Variants in GSE1 observed in about 807,000 individuals in gnomAD.
GSE1 encodes Gse1 coiled-coil protein, also known as genetic suppressor element 1.
In GSE1, 32 loss-of-function variants were observed where a neutral mutation model predicts 112.6. The ratio of observed to expected loss-of-function variants is 0.28; its 90% CI spans 0.21 to 0.38. The LOEUF (loss-of-function observed/expected upper bound fraction) is 0.38. Ranked by LOEUF, GSE1 falls within the 10% of genes least tolerant of loss-of-function variation. The probability of loss-of-function intolerance (pLI) is 1.00; values close to 1 mark genes in which losing one functional copy is unlikely to be tolerated. For missense variants in GSE1, 2,348 were observed against 1,699.2 expected (o/e 1.38, Z -6.71); for synonymous variants, 1,115 against 735.6 (o/e 1.52, Z -8.35).
intron 2 of GSE1, among the ~76,000 whole-genome samples, chr16:85,500,893 G>C (rs1009284305): frequency 4.6e-5 from 7 of 151,650 alleles, no homozygotes; most frequent in African/African-American, 1.7e-4. Context: ...GCCTCTGTCA[G>C]CACGTGGCTG....
At chr16:85,251,089 T>C (rs73251971) in intron 1 of GSE1, among the ~76,000 whole-genome samples, 8,947 of 152,270 alleles carry the variant, frequency 0.059, 847 homozygotes, top group African/African-American at 0.21. Context: ...CTGCTCCCAC[T>C]CTGGGCTGTT....
At chr16:85,262,036 C>A (rs1267890012) in intron 1 of GSE1, among the ~76,000 whole-genome samples, 1 of 152,166 alleles carries the variant, frequency 6.6e-6, no homozygotes, top group Non-Finnish European at 1.5e-5. Context: ...TGCCCCAGGT[C>A]ACACAGGTTG....
rs2052093149 is a variant in GSE1, at chr16:85,519,574, C to CACCAACCATCATT, written c.2465-114336_2465-114335insACCATCATTACCA. Among the ~76,000 whole-genome samples the CACCAACCATCATT allele has an allele frequency of 3.7e-5, 5 of 136,250 alleles. 1 individual carries two copies. In the South Asian group the frequency reaches 1.2e-3, roughly 33 times the overall value. 89.4% of individuals were successfully genotyped at this position (136,250 alleles called of 152,430 possible). On this transcript the variant is annotated intron_variant, in intron 2 of 2. Transcript: ENST00000637419. ...CCACCATCACTATCATCATCACCAT[C>CACCAACCATCATT]ACCAGTCTCCATCATCATCACCTTC...
chr16:85,215,107 G>A (rs1392781099), intron 1 of GSE1, among the ~76,000 whole-genome samples: 1 of 152,178 alleles, frequency 6.6e-6, no homozygotes, highest in Non-Finnish European at 1.5e-5. Context: ...ACAGACATGG[G>A]ATTGTGGCCA....
chr16:85,434,375 G>A (rs1179595047), intron 2 of GSE1, among the ~76,000 whole-genome samples: 1 of 151,714 alleles, frequency 6.6e-6, no homozygotes, highest in Non-Finnish European at 1.5e-5. Context: ...TGTATACCCG[G>A]TGTCAGCGCT....
At chr16:85,434,345 A>AATAATAATCATCATCATCATC (rs60129328) in intron 2 of GSE1, among the ~76,000 whole-genome samples, 2 of 143,460 alleles carry the variant, frequency 1.4e-5, no homozygotes, top group African/African-American at 5.1e-5. Flanking sequence ...TAATAATAAT[A>AATAATAATCATCATCATCATC]ATCAGTGCCG....
intron 1 of GSE1, among the ~76,000 whole-genome samples, chr16:85,564,147 A>G (rs1173202529): frequency 6.6e-6 from 1 of 152,074 alleles, no homozygotes; most frequent in Non-Finnish European, 1.5e-5. Context: ...TGCTCTGGAA[A>G]CTCTTAGAAG....
At chr16:85,296,468 G>A (rs551027942) in intron 1 of GSE1, among the ~76,000 whole-genome samples, 1 of 152,204 alleles carries the variant, frequency 6.6e-6, no homozygotes, top group African/African-American at 2.4e-5. Context: ...TTAGCCGGAT[G>A]TGGTGGTGCA....
intron 2 of GSE1, among the ~76,000 whole-genome samples, chr16:85,469,009 C>G (rs930776161): frequency 6.6e-6 from 1 of 152,130 alleles, no homozygotes; most frequent in Non-Finnish European, 1.5e-5. Context: ...AATCCCAGCA[C>G]TTTGGGAGGC....
chr16:85,309,137 C>A (rs1462978144), intron 1 of GSE1, among the ~76,000 whole-genome samples: 1 of 151,786 alleles, frequency 6.6e-6, no homozygotes, highest in Non-Finnish European at 1.5e-5. Flanking sequence ...GCTCTCGACC[C>A]AGGCCGCCCA....
At chr16:85,655,575 C>A in intron 5 of GSE1, 151 bp from the exon 6 acceptor site, 1 of 586,894 alleles carries the variant, frequency 1.7e-6, no homozygotes, top group East Asian at 2.9e-5. Flanking sequence ...GGCTTTGGGG[C>A]TAGCAGCAGG....
chr16:85,561,291 C>G (rs2045508872), intron 1 of GSE1, among the ~76,000 whole-genome samples: 3 of 152,178 alleles, frequency 2.0e-5, no homozygotes. Flanking sequence ...AGATTGAGGT[C>G]ACATGTGCGC....
At chr16:85,612,372 C>T (rs145369167), upstream of GSE1, among the ~76,000 whole-genome samples, 2 of 151,806 alleles carry the variant, frequency 1.3e-5, no homozygotes, top group African/African-American at 4.8e-5. Context: ...CAGTCAAGTG[C>T]CTGGGTGAGG....
At chr16:85,170,272 T>A in exon 1 of GSE1, 1 of 985,398 alleles carries the variant, frequency 1.0e-6, no homozygotes, top group Non-Finnish European at 1.2e-6. Context: ...GGAGCCCAAG[T>A]CCGGGGTTAG....
chr16:85,368,396 A>G (rs2047230143), intron 2 of GSE1, among the ~76,000 whole-genome samples: 1 of 152,066 alleles, frequency 6.6e-6, no homozygotes, highest in African/African-American at 2.4e-5. Context: ...ATCAGCCCTA[A>G]ATGCCTTCTC....
At chr16:85,175,424 G>C (rs2074441770) in intron 1 of GSE1, among the ~76,000 whole-genome samples, 1 of 152,220 alleles carries the variant, frequency 6.6e-6, no homozygotes, top group African/African-American at 2.4e-5. Context: ...GACAAGCCTG[G>C]CTTCAATCTT....
At chr16:85,453,478 C>T (rs761521369) in intron 2 of GSE1, among the ~76,000 whole-genome samples, 1 of 152,052 alleles carries the variant, frequency 6.6e-6, no homozygotes, top group African/African-American at 2.4e-5. Flanking sequence ...GGCTGGGTCC[C>T]AGCTTAGGTG....
chr16:85,278,330 G>C (rs560406743), intron 1 of GSE1, among the ~76,000 whole-genome samples: 1 of 152,220 alleles, frequency 6.6e-6, no homozygotes, highest in Admixed American at 6.5e-5. Flanking sequence ...CTCCACACAT[G>C]CCTGAAGCAG....
rs1046449125 is a variant in GSE1, at chr16:85,672,794, G to T, written c.*255G>T. On this transcript the variant is annotated 3_prime_UTR_variant, in exon 16 of 16. Coordinates refer to ENST00000253458, the MANE Select transcript of GSE1 (RefSeq NM_014615.5). ...GTTTTTCTTTTTAAAGGTGGTTTTC[G>T]CCCTTCCTCTCCCACATTATTTCTT... The T allele has an allele frequency of 3.4e-6, 1 of 295,320 alleles. No homozygotes were observed. Among genetic ancestry groups the T allele is most frequent in the East Asian group, 5.8e-5 (1 of 17,130 alleles). 18.3% of individuals were successfully genotyped at this position (295,320 alleles called of 1,614,324 possible).
Sources: gnomAD v4.1 joint callset for allele counts (sites outside exome capture counted in the v4.1 genomes callset) on GRCh38, gnomAD v4.1.1 for gene constraint, MANE v1.5 for transcripts, NCBI Gene and HGNC (gene_info 2026-07-23, HGNC 2026-07-21) for gene names.